SAMMSON: variants seen among roughly 807,000 people sequenced by gnomAD.
SAMMSON encodes survival associated mitochondrial melanoma specific oncogenic non-coding RNA.
chr3:70,355,708 G>T (rs1039506308), intron 8 of SAMMSON, among the ~76,000 whole-genome samples: 2 of 152,096 alleles, frequency 1.3e-5, no homozygotes, highest in Non-Finnish European at 2.9e-5. Context: ...TAATGCAAGC[G>T]TAACTTTTCA....
chr3:70,118,010 C>T (rs751119139), intron 4 of SAMMSON, among the ~76,000 whole-genome samples: 5 of 152,104 alleles, frequency 3.3e-5, no homozygotes, highest in African/African-American at 1.2e-4. Flanking sequence ...CTCCACCTCC[C>T]GGGTTCACAC....
intron 4 of SAMMSON, among the ~76,000 whole-genome samples, chr3:70,243,895 A>G (rs1296348456): frequency 6.6e-6 from 1 of 152,178 alleles, no homozygotes; most frequent in African/African-American, 2.4e-5. Flanking sequence ...AAATACTGTA[A>G]TAATTGTCTA....
chr3:70,336,755 TAGAG>T (rs1212139556), intron 7 of SAMMSON, among the ~76,000 whole-genome samples: 2 of 151,138 alleles, frequency 1.3e-5, no homozygotes, highest in Non-Finnish European at 3.0e-5. Flanking sequence ...ATCCTCTCTT[TAGAG>T]AGAGAGAATC....
intron 2 of SAMMSON, among the ~76,000 whole-genome samples, chr3:70,412,679 G>A (rs920156810): frequency 3.3e-5 from 5 of 152,080 alleles, no homozygotes; most frequent in Admixed American, 2.0e-4. Context: ...CACTGCTGTC[G>A]CTTAGCAGGG....
At chr3:70,171,952 G>A (rs769211155) in intron 4 of SAMMSON, among the ~76,000 whole-genome samples, 2 of 151,168 alleles carry the variant, frequency 1.3e-5, no homozygotes, top group African/African-American at 4.8e-5. Flanking sequence ...GAGTGATTTG[G>A]CTGGTGCTGG....
intron 4 of SAMMSON, among the ~76,000 whole-genome samples, chr3:70,092,641 A>T (rs918972506): frequency 1.3e-5 from 2 of 151,750 alleles, no homozygotes; most frequent in African/African-American, 4.8e-5. Flanking sequence ...CCCTGCATAA[A>T]CTCGTTCTGT....
intron 4 of SAMMSON, among the ~76,000 whole-genome samples, chr3:70,209,833 C>T (rs183877649): frequency 1.1e-4 from 17 of 152,208 alleles, no homozygotes; most frequent in African/African-American, 2.6e-4. Context: ...TTTACACACT[C>T]GCCTTTCCCT....
At chr3:70,357,337 A>G (rs1172003494) in intron 8 of SAMMSON, among the ~76,000 whole-genome samples, 1 of 152,184 alleles carries the variant, frequency 6.6e-6, no homozygotes, top group Admixed American at 6.6e-5. Flanking sequence ...AGCAGGCCTC[A>G]GATACAAAGC....
chr3:70,070,547 T>C (rs2067225784), intron 3 of SAMMSON, among the ~76,000 whole-genome samples: 1 of 152,080 alleles, frequency 6.6e-6, no homozygotes, highest in South Asian at 2.1e-4. Context: ...AATGGAATAT[T>C]ACCATGGTGT....
chr3:70,216,910 G>A (rs560825260), intron 4 of SAMMSON, among the ~76,000 whole-genome samples: 3 of 152,210 alleles, frequency 2.0e-5, no homozygotes, highest in South Asian at 2.1e-4. Flanking sequence ...ATTATGCACA[G>A]GGACCCCTTC....
chr3:70,052,449 G>C (rs948271515), intron 3 of SAMMSON, among the ~76,000 whole-genome samples: 1 of 152,194 alleles, frequency 6.6e-6, no homozygotes, highest in South Asian at 2.1e-4. Context: ...GTAACACATT[G>C]TCCACTAGAT....
At chr3:70,225,195 T>C (rs1701492028) in intron 4 of SAMMSON, among the ~76,000 whole-genome samples, 1 of 152,202 alleles carries the variant, frequency 6.6e-6, no homozygotes, top group African/African-American at 2.4e-5. Flanking sequence ...AAAAGAAATT[T>C]TATTTTTTGG....
intron 4 of SAMMSON, among the ~76,000 whole-genome samples, chr3:70,132,024 A>G: frequency 6.6e-6 from 1 of 152,150 alleles, no homozygotes; most frequent in East Asian, 1.9e-4. Context: ...AGGGGACCCT[A>G]GAGAAACCTT....
intron 3 of SAMMSON, chr3:70,015,447 A>G (rs1440357101): frequency 6.6e-6 from 1 of 152,008 alleles, no homozygotes; most frequent in Non-Finnish European, 1.5e-5. Context: ...CCCAGTGTAC[A>G]GGGAAAATCA....
intron 2 of SAMMSON, among the ~76,000 whole-genome samples, chr3:70,395,015 AT>A (rs1701079966): frequency 6.6e-6 from 1 of 152,190 alleles, no homozygotes; most frequent in African/African-American, 2.4e-5. Flanking sequence ...GCTCTCTTAA[AT>A]TTTGTGCCAA....
chr3:70,242,295 G>C (rs1336132492), intron 4 of SAMMSON, among the ~76,000 whole-genome samples: 1 of 152,088 alleles, frequency 6.6e-6, no homozygotes, highest in Admixed American at 6.6e-5. Context: ...CTTTGGAAAT[G>C]GTGGGAAAAA....
At chr3:70,060,536 AT>A (rs1269887758) in intron 3 of SAMMSON, among the ~76,000 whole-genome samples, 1 of 152,088 alleles carries the variant, frequency 6.6e-6, no homozygotes, top group Non-Finnish European at 1.5e-5. Context: ...TCTGCTATCT[AT>A]TGATAGATAC....
At chr3:70,420,221 A>G (rs537769745) in intron 2 of SAMMSON, among the ~76,000 whole-genome samples, 3 of 152,274 alleles carry the variant, frequency 2.0e-5, no homozygotes, top group South Asian at 4.1e-4. Flanking sequence ...TCTTGTATTT[A>G]TAATTTCATG....
At chr3:70,126,404 G>A (rs2067459117) in intron 4 of SAMMSON, 2 of 817,566 alleles carry the variant, frequency 2.4e-6, no homozygotes, top group Admixed American at 4.2e-5. Flanking sequence ...AGGGAATGTG[G>A]CAAAAGCTGT....
Sources: allele counts gnomAD v4.1 joint callset (sites outside exome capture counted in the v4.1 genomes callset), GRCh38; gene constraint gnomAD v4.1.1; transcripts MANE v1.5; gene names NCBI Gene and HGNC (gene_info 2026-07-23, HGNC 2026-07-21).